Variants in RAPGEF4 observed in about 807,000 individuals in gnomAD.
The protein encoded by RAPGEF4 is Rap guanine nucleotide exchange factor 4, also known as RAP guanine-nucleotide-exchange factor (GEF) 4.
RAPGEF4 carries 66 observed loss-of-function variants against 147.9 expected under a neutral mutation model. The observed-to-expected ratio is 0.45, with a 90% confidence interval of 0.37 to 0.55. The LOEUF (loss-of-function observed/expected upper bound fraction) is 0.55. Ranked by LOEUF, RAPGEF4 falls within the 20% of genes least tolerant of loss-of-function variation. The probability of loss-of-function intolerance (pLI) is 0.00; values close to 1 mark genes in which losing one functional copy is unlikely to be tolerated. For synonymous variants in RAPGEF4, 419 were observed against 442.7 expected, an observed-to-expected ratio of 0.95 and a Z score of 0.67; for missense variants, 1,071 against 1,257.3, an observed-to-expected ratio of 0.85 and a Z score of 2.24.
intron 1 of RAPGEF4, among the ~76,000 whole-genome samples, chr2:172,746,618 C>CTT (rs569348166): frequency 6.9e-6 from 1 of 145,046 alleles, no homozygotes. Flanking sequence ...TTACTTTTTT[C>CTT]TTTTTTTTTT....
chr2:172,957,908 CA>C (rs1688904362), intron 6 of RAPGEF4, among the ~76,000 whole-genome samples: 1 of 152,182 alleles, frequency 6.6e-6, no homozygotes, highest in African/African-American at 2.4e-5. Flanking sequence ...ACTTTCTTTT[CA>C]GGGTTCCAAG....
chr2:172,874,176 G>A (rs1308979047), intron 4 of RAPGEF4, among the ~76,000 whole-genome samples: 2 of 152,156 alleles, frequency 1.3e-5, no homozygotes, highest in Non-Finnish European at 2.9e-5. Context: ...AATACCATTT[G>A]ACCCAGCAAT....
rs1434365803 is a variant in RAPGEF4 at position 172,787,285 on chromosome 2, T to C, written c.66-7740T>C. On this transcript the variant is annotated intron_variant, in intron 1 of 30. Coordinates refer to ENST00000397081, the MANE Select transcript of RAPGEF4 (RefSeq NM_007023.4). Reference sequence around the variant, plus strand: ...TCAATACATTCTAATAAAATGGTCTTTTTTGATACTGCTAATAGACATTAT... The same window carrying C: ...TCAATACATTCTAATAAAATGGTCTCTTTTGATACTGCTAATAGACATTAT... 1.9e-4 allele frequency among the ~76,000 whole-genome samples: 29 copies of C among 152,170 alleles called. 1 individual carries two copies. The highest frequency in any genetic ancestry group is 1.6e-3 in the Admixed American group (25 of 15,272).
At chr2:172,937,284 T>C (rs951853165) in intron 6 of RAPGEF4, among the ~76,000 whole-genome samples, 3 of 152,104 alleles carry the variant, frequency 2.0e-5, no homozygotes, top group Admixed American at 6.6e-5. Flanking sequence ...ACATCATTTT[T>C]CTATTCGAAA....
chr2:172,965,388 T>G, intron 8 of RAPGEF4, 174 bp from the exon 9 acceptor site: 1 of 725,500 alleles, frequency 1.4e-6, no homozygotes, highest in Non-Finnish European at 2.3e-6. Flanking sequence ...TTTTTTGGCT[T>G]GTATTAGCAT....
At chr2:172,872,278 C>A (rs1038627898) in intron 4 of RAPGEF4, among the ~76,000 whole-genome samples, 1 of 152,116 alleles carries the variant, frequency 6.6e-6, no homozygotes, top group African/African-American at 2.4e-5. Flanking sequence ...CTGTGACGAA[C>A]TATTATTCCT....
intron 6 of RAPGEF4, among the ~76,000 whole-genome samples, chr2:172,938,993 A>G: frequency 6.6e-6 from 1 of 152,228 alleles, no homozygotes; most frequent in East Asian, 1.9e-4. Flanking sequence ...ATTGCTTGAT[A>G]GTTTATTTCC....
intron 4 of RAPGEF4, among the ~76,000 whole-genome samples, chr2:172,824,563 A>C (rs1461864358): frequency 6.6e-6 from 1 of 152,226 alleles, no homozygotes; most frequent in Non-Finnish European, 1.5e-5. Flanking sequence ...TTATGTAATA[A>C]TGGCAGTCAG....
chr2:172,876,271 A>T (rs1193955595), intron 4 of RAPGEF4, among the ~76,000 whole-genome samples: 2 of 152,088 alleles, frequency 1.3e-5, no homozygotes, highest in African/African-American at 4.8e-5. Flanking sequence ...CCTGGCCAGA[A>T]CTTCTAACAC....
chr2:172,964,336 C>A (rs1005853608), intron 8 of RAPGEF4, among the ~76,000 whole-genome samples: 2 of 150,584 alleles, frequency 1.3e-5, no homozygotes, highest in African/African-American at 2.4e-5. Flanking sequence ...TGATAGATTT[C>A]AGAGGTCTAA....
chr2:172,818,216 C>A (rs1335543531), intron 4 of RAPGEF4, among the ~76,000 whole-genome samples: 1 of 151,858 alleles, frequency 6.6e-6, no homozygotes, highest in African/African-American at 2.4e-5. Flanking sequence ...GGATAAAAGA[C>A]TACCATTGGG....
intron 12 of RAPGEF4, among the ~76,000 whole-genome samples, chr2:172,987,778 C>T (rs1019275190): frequency 1.3e-5 from 2 of 152,064 alleles, no homozygotes; most frequent in African/African-American, 4.8e-5. Context: ...CCCATGGATA[C>T]GAAGGGACAA....
chr2:172,944,005 A>G (rs1687428585), intron 6 of RAPGEF4, among the ~76,000 whole-genome samples: 2 of 152,218 alleles, frequency 1.3e-5, no homozygotes, highest in African/African-American at 2.4e-5. Context: ...GGGATTTGCA[A>G]ACAGTCAGTC....
At chr2:173,026,756 A>G in intron 24 of RAPGEF4, 59 bp downstream of exon 24, 2 of 1,591,250 alleles carry the variant, frequency 1.3e-6, no homozygotes, top group Non-Finnish European at 1.7e-6. Context: ...GGCTGCTGGC[A>G]TTGCTTAGTT....
chr2:172,940,213 A>G (rs1687010378), intron 6 of RAPGEF4, among the ~76,000 whole-genome samples: 1 of 152,130 alleles, frequency 6.6e-6, no homozygotes, highest in African/African-American at 2.4e-5. Context: ...CATCATATCA[A>G]GAATTCCTAC....
At chr2:173,008,242 G>A (rs559056112) in intron 17 of RAPGEF4, among the ~76,000 whole-genome samples, 1 of 152,228 alleles carries the variant, frequency 6.6e-6, no homozygotes, top group African/African-American at 2.4e-5. Context: ...CAGCCCTGTG[G>A]AACTCTTTCC....
At chr2:172,940,306 A>G (rs948221784) in intron 6 of RAPGEF4, among the ~76,000 whole-genome samples, 1 of 151,984 alleles carries the variant, frequency 6.6e-6, no homozygotes, top group Non-Finnish European at 1.5e-5. Flanking sequence ...TATTTGATAT[A>G]GTTTGGATGT....
At chr2:172,983,401 C>T in intron 10 of RAPGEF4, 95 bp from the exon 11 acceptor site, 1 of 1,524,916 alleles carries the variant, frequency 6.6e-7, no homozygotes, top group Non-Finnish European at 8.7e-7. Flanking sequence ...AGAAGAAATC[C>T]CTGAGCATGT....
chr2:172,860,593 T>C (rs1486740797), intron 4 of RAPGEF4, among the ~76,000 whole-genome samples: 10 of 150,930 alleles, frequency 6.6e-5, no homozygotes, highest in African/African-American at 2.5e-4. Context: ...TGGTTTTGTT[T>C]TACGGGGAAG....
Sources: gnomAD v4.1 joint callset for allele counts (sites outside exome capture counted in the v4.1 genomes callset) on GRCh38, gnomAD v4.1.1 for gene constraint, MANE v1.5 for transcripts, NCBI Gene and HGNC (gene_info 2026-07-23, HGNC 2026-07-21) for gene names.